NOX4: variants seen among roughly 807,000 people sequenced by gnomAD.
NOX4 encodes kidney oxidase-1.
A neutral mutation model predicts 87.6 loss-of-function variants in NOX4; 69 were observed. That is an observed-to-expected ratio of 0.79 (90% CI 0.65 to 0.96). The LOEUF (loss-of-function observed/expected upper bound fraction) is 0.96, where lower values mean the gene tolerates loss of function less well. NOX4 is among the 40% of genes least tolerant of loss of function. The probability of loss-of-function intolerance (pLI) is 0.00; values close to 1 mark genes in which losing one functional copy is unlikely to be tolerated. For missense variants in NOX4, 680 were observed against 681.5 expected (o/e 1.00, Z 0.02); for synonymous variants, 275 against 238.2 (o/e 1.15, Z -1.42).
intron 2 of NOX4, among the ~76,000 whole-genome samples, chr11:89,453,426 T>C (rs1467511255): frequency 6.6e-6 from 1 of 152,208 alleles, no homozygotes; most frequent in East Asian, 1.9e-4. Context: ...TATTTGACTC[T>C]GTCTTAGGAG....
chr11:89,513,847 A>G, the NOX4 span, among the ~76,000 whole-genome samples: 1 of 152,022 alleles, frequency 6.6e-6, no homozygotes, highest in Non-Finnish European at 1.5e-5. Flanking sequence ...GTCTCTTTCT[A>G]CTACTCAATT....
intron 2 of NOX4, among the ~76,000 whole-genome samples, chr11:89,453,033 G>GA (rs1945037806): frequency 8.0e-6 from 1 of 125,088 alleles, no homozygotes; most frequent in Non-Finnish European, 1.8e-5. Context: ...GAAAGGGCGA[G>GA]ACTCTGTCTC....
At chr11:89,456,312 A>T (rs1385613967) in intron 2 of NOX4, among the ~76,000 whole-genome samples, 9 of 152,240 alleles carry the variant, frequency 5.9e-5, no homozygotes, top group Admixed American at 5.2e-4. Context: ...GTACATTTAG[A>T]ATACATATAT....
the NOX4 span, among the ~76,000 whole-genome samples, chr11:89,576,428 T>A: frequency 3.8e-3 from 576 of 152,330 alleles, 4 homozygotes; most frequent in African/African-American, 0.013. Flanking sequence ...ATTGTATTTC[T>A]GTGTCTTTAA....
chr11:89,382,306 T>C (rs1391371956), intron 11 of NOX4, among the ~76,000 whole-genome samples: 5 of 152,134 alleles, frequency 3.3e-5, no homozygotes, highest in African/African-American at 9.7e-5. Flanking sequence ...ACACCTGACC[T>C]AAAACCTAAA....
At chr11:89,457,254 C>A (rs1300993534) in intron 2 of NOX4, among the ~76,000 whole-genome samples, 1 of 152,244 alleles carries the variant, frequency 6.6e-6, no homozygotes, top group Non-Finnish European at 1.5e-5. Flanking sequence ...AGCTAACTGT[C>A]CAAACCCTTG....
chr11:89,566,928 G>A, the NOX4 span, among the ~76,000 whole-genome samples: 16 of 152,138 alleles, frequency 1.1e-4, no homozygotes, highest in Admixed American at 4.6e-4. Flanking sequence ...ATACATCCGA[G>A]CTGGCATGGA....
intron 8 of NOX4, among the ~76,000 whole-genome samples, chr11:89,407,229 AT>A (rs2135209281): frequency 6.6e-6 from 1 of 152,236 alleles, no homozygotes; most frequent in Admixed American, 6.6e-5. Context: ...GCATTCTTGT[AT>A]GTATTGTTGT....
chr11:89,524,764 T>C, the NOX4 span, among the ~76,000 whole-genome samples: 1 of 152,120 alleles, frequency 6.6e-6, no homozygotes, highest in African/African-American at 2.4e-5. Context: ...CATCGTGAAA[T>C]GGTTTAATCT....
At chr11:89,541,323 C>T in the NOX4 span, among the ~76,000 whole-genome samples, 1 of 152,134 alleles carries the variant, frequency 6.6e-6, no homozygotes, top group Non-Finnish European at 1.5e-5. Flanking sequence ...TCCACCACTC[C>T]CTAAGAAGAG....
At chr11:89,443,405 G>C (rs1335110133) in intron 5 of NOX4, 3 of 152,034 alleles carry the variant, frequency 2.0e-5, no homozygotes, top group Admixed American at 6.6e-5. Flanking sequence ...AAAATAAGGG[G>C]GGGGGATGCT....
chr11:89,395,400 T>C (rs1041978344), intron 11 of NOX4, among the ~76,000 whole-genome samples: 3 of 152,220 alleles, frequency 2.0e-5, no homozygotes, highest in Non-Finnish European at 4.4e-5. Flanking sequence ...ATTCTGGATA[T>C]TAGCTCTTTG....
intron 2 of NOX4, among the ~76,000 whole-genome samples, chr11:89,473,929 A>G (rs951887703): frequency 6.6e-6 from 1 of 152,192 alleles, no homozygotes; most frequent in African/African-American, 2.4e-5. Flanking sequence ...CTCAGTTAAG[A>G]GGGACTAAAT....
At chr11:89,556,870 G>T in the NOX4 span, 1 of 152,104 alleles carries the variant, frequency 6.6e-6, no homozygotes, top group African/African-American at 2.4e-5. Flanking sequence ...GCACCATTAT[G>T]AGATGGGGTG....
At chr11:89,348,852 CT>C (rs1946328473) in intron 13 of NOX4, among the ~76,000 whole-genome samples, 1 of 152,164 alleles carries the variant, frequency 6.6e-6, no homozygotes, top group African/African-American at 2.4e-5. Flanking sequence ...GCATTTACCT[CT>C]TTGAATCTCA....
At chr11:89,579,098 A>G in the NOX4 span, among the ~76,000 whole-genome samples, 9 of 152,196 alleles carry the variant, frequency 5.9e-5, no homozygotes, top group Non-Finnish European at 8.8e-5. Flanking sequence ...CATTCTGGGA[A>G]AGACCAAACA....
intron 2 of NOX4, among the ~76,000 whole-genome samples, chr11:89,465,138 T>G (rs1181414710): frequency 6.6e-6 from 1 of 151,664 alleles, no homozygotes; most frequent in East Asian, 1.9e-4. Flanking sequence ...ATCCCTCCCC[T>G]AGCCCCCCAC....
At chr11:89,409,619 C>A (rs1171615901) in intron 8 of NOX4, among the ~76,000 whole-genome samples, 1 of 152,034 alleles carries the variant, frequency 6.6e-6, no homozygotes, top group Non-Finnish European at 1.5e-5. Context: ...ACCATAAGAT[C>A]TTAGTCCATA....
the NOX4 span, among the ~76,000 whole-genome samples, chr11:89,517,223 T>C: frequency 6.6e-6 from 1 of 152,088 alleles, no homozygotes; most frequent in Non-Finnish European, 1.5e-5. Context: ...GACCTTTTTC[T>C]AAAAACTTTT....
Sources: gnomAD v4.1 joint callset for allele counts (sites outside exome capture counted in the v4.1 genomes callset) on GRCh38, gnomAD v4.1.1 for gene constraint, MANE v1.5 for transcripts, NCBI Gene and HGNC (gene_info 2026-07-23, HGNC 2026-07-21) for gene names.